Variants in SLC17A1 observed in about 807,000 individuals in gnomAD.
SLC17A1 encodes the protein solute carrier family 17 member 1.
SLC17A1 carries 51 observed loss-of-function variants against 53.5 expected under a neutral mutation model. That is an observed-to-expected ratio of 0.95 (90% CI 0.76 to 1.20). SLC17A1 has a LOEUF of 1.20. Among genes scored for constraint, SLC17A1 ranks in the 50% most tolerant of loss-of-function variants. The probability of loss-of-function intolerance (pLI) is 0.00; values close to 1 mark genes in which losing one functional copy is unlikely to be tolerated. For missense variants in SLC17A1, 538 were observed against 568.2 expected (o/e 0.95, Z 0.54); for synonymous variants, 179 against 198.8 (o/e 0.90, Z 0.84).
chr6:25,826,375 C>A (rs1764740232), intron 3 of SLC17A1, 86 bp downstream of exon 3: 3 of 1,048,828 alleles, frequency 2.9e-6, no homozygotes, highest in South Asian at 4.6e-5. Context: ...AATATAGTAT[C>A]ATATCAGTAC....
rs147033889 is a variant in SLC17A1 at position 25,811,732 on chromosome 6, C to A, written c.936G>T (p.Trp312Cys). Residue 312 changes from tryptophan (W) to cysteine (C), a missense_variant, in exon 9 of 13, where the codon TGG becomes TGT. Trp to Cys is a radical substitution (Grantham distance 215). Transcript: ENST00000244527. Reference protein sequence around the residue: ...FLSSLPYLFAWICGNLAGQLS... With the variant: ...FLSSLPYLFACICGNLAGQLS... ...ACTGACCTGCTAGGTTACCACAGAT[C>A]CAGGCAAACAAATAGGGAAGGGAAG... 1 of 1,613,662 alleles carries A rather than the reference C, an allele frequency of 6.2e-7. No homozygotes were observed. The highest frequency in any genetic ancestry group is 1.3e-5 in the African/African-American group (1 of 74,896).
chr6:25,797,747 C>T (rs1238567288), intron 12 of SLC17A1, among the ~76,000 whole-genome samples: 1 of 151,880 alleles, frequency 6.6e-6, no homozygotes, highest in Non-Finnish European at 1.5e-5. Flanking sequence ...TTACAGGTGC[C>T]CACCACCGCG....
chr6:25,726,985 A>G, the SLC17A1 span: 68 of 1,614,052 alleles, frequency 4.2e-5, no homozygotes, highest in African/African-American at 8.8e-4. Flanking sequence ...ACCCAGAAAA[A>G]GGAAGGCAAA....
the SLC17A1 span, chr6:25,726,386 C>T: frequency 3.9e-5 from 63 of 1,614,030 alleles, no homozygotes; most frequent in Middle Eastern, 1.6e-4. Context: ...TACACTGGTG[C>T]GCCTGCCCCT....
the SLC17A1 span, chr6:25,732,536 C>T: frequency 1.9e-6 from 1 of 518,432 alleles, no homozygotes. Context: ...ACGGGCTGCT[C>T]AGCAAGGGCA....
At position 25,812,708 on chromosome 6, in the gene SLC17A1, G is replaced by T. The variant is rs138446404; in HGVS notation, c.897+123C>A. 5.4e-5 allele frequency: 36 copies of T among 670,332 alleles called. No homozygotes were observed. The African/African-American group carries it at 6.0e-4, about 11-fold the overall frequency. 41.5% of individuals were successfully genotyped at this position (670,332 alleles called of 1,614,324 possible). On this transcript the variant is annotated intron_variant, in intron 8 of 12. Coordinates refer to ENST00000244527, the MANE Select transcript of SLC17A1 (RefSeq NM_005074.5). The stretch of plus-strand genomic sequence containing the variant: ...AAGAGCAGAAACAGTTAGTTTCCAG[G>T]TGAAGAGCAGTAGCCAGATAGTGTG...
chr6:25,784,331 G>T (rs1185601706), intron 12 of SLC17A1, among the ~76,000 whole-genome samples: 2 of 152,146 alleles, frequency 1.3e-5, no homozygotes, highest in Non-Finnish European at 2.9e-5. Context: ...ATAAAGAAAA[G>T]AGGTTTATTT....
At chr6:25,737,735 C>T in the SLC17A1 span, among the ~76,000 whole-genome samples, 1 of 152,024 alleles carries the variant, frequency 6.6e-6, no homozygotes. Flanking sequence ...CTGACAGTTT[C>T]CCCCTTTCAA....
At chr6:25,807,929 C>T (rs1005152077) in intron 10 of SLC17A1, among the ~76,000 whole-genome samples, 17 of 152,000 alleles carry the variant, frequency 1.1e-4, no homozygotes, top group Non-Finnish European at 1.9e-4. Context: ...TATAAACATG[C>T]ATGTGCAAGT....
the SLC17A1 span, among the ~76,000 whole-genome samples, chr6:25,754,191 A>G: frequency 1.3e-5 from 2 of 152,160 alleles, no homozygotes; most frequent in Admixed American, 1.3e-4. Flanking sequence ...ACCAGAATGC[A>G]AATATGTATG....
chr6:25,815,977 T>A (rs956948483), intron 6 of SLC17A1, among the ~76,000 whole-genome samples: 2 of 151,972 alleles, frequency 1.3e-5, no homozygotes, highest in African/African-American at 4.8e-5. Context: ...AGCAAGAAAT[T>A]TTGTGTCCCT....
intron 3 of SLC17A1, among the ~76,000 whole-genome samples, chr6:25,822,219 TTTC>T (rs1764587623): frequency 6.6e-6 from 1 of 152,156 alleles, no homozygotes. Context: ...GTTCCGTGTT[TTTC>T]TTATTTCGTC....
intron 10 of SLC17A1, among the ~76,000 whole-genome samples, chr6:25,810,676 T>C (rs2151490513): frequency 6.6e-6 from 1 of 152,286 alleles, no homozygotes; most frequent in South Asian, 2.1e-4. Flanking sequence ...GTACAGCTGT[T>C]ACGGAAAACA....
chr6:25,751,355 CAGTGAT>C, the SLC17A1 span, among the ~76,000 whole-genome samples: 1 of 152,306 alleles, frequency 6.6e-6, no homozygotes, highest in East Asian at 1.9e-4. Context: ...GAAGCTTGGA[CAGTGAT>C]AGCTTATATG....
chr6:25,730,694 C>T, the SLC17A1 span, among the ~76,000 whole-genome samples: 6 of 152,054 alleles, frequency 3.9e-5, no homozygotes, highest in African/African-American at 9.6e-5. Context: ...TGCCATTCCG[C>T]GATGTATACA....
chr6:25,751,466 A>G, the SLC17A1 span, among the ~76,000 whole-genome samples: 14 of 152,318 alleles, frequency 9.2e-5, no homozygotes, highest in Non-Finnish European at 1.6e-4. Flanking sequence ...GCTTTGCCCA[A>G]TGAAATTTGA....
chr6:25,732,497 G>A, the SLC17A1 span: 1 of 396,130 alleles, frequency 2.5e-6, no homozygotes. Context: ...CATTCAGAGA[G>A]GTTCTGCAGT....
chr6:25,805,113 A>G (rs1460796750), intron 10 of SLC17A1, among the ~76,000 whole-genome samples: 2 of 152,106 alleles, frequency 1.3e-5, no homozygotes, highest in African/African-American at 4.8e-5. Flanking sequence ...ACATTATCCA[A>G]GATACACCGT....
chr6:25,762,735 T>A, the SLC17A1 span, among the ~76,000 whole-genome samples: 1 of 152,160 alleles, frequency 6.6e-6, no homozygotes, highest in African/African-American at 2.4e-5. Flanking sequence ...TTTCTCCTAA[T>A]CTCAACCATC....
Sources: gnomAD v4.1 joint callset for allele counts (sites outside exome capture counted in the v4.1 genomes callset) on GRCh38, gnomAD v4.1.1 for gene constraint, MANE v1.5 for transcripts, NCBI Gene and HGNC (gene_info 2026-07-23, HGNC 2026-07-21) for gene names.